Variants in ZFHX3 observed in about 807,000 individuals in gnomAD.
ZFHX3 encodes the protein zinc finger homeobox 3.
In ZFHX3, 42 loss-of-function variants were observed where a neutral mutation model predicts 279.1. That is an observed-to-expected ratio of 0.15 (90% CI 0.12 to 0.19). The LOEUF (loss-of-function observed/expected upper bound fraction) is 0.19, where lower values mean the gene tolerates loss of function less well. ZFHX3 is among the 10% of genes least tolerant of loss of function. The pLI is 1.00. For synonymous variants in ZFHX3, 2,293 were observed against 1,957.8 expected, an observed-to-expected ratio of 1.17 and a Z score of -4.52; for missense variants, 4,981 against 4,754.0, an observed-to-expected ratio of 1.05 and a Z score of -1.40.
chr16:73,733,345 C>A (rs1054740769), intron 1 of ZFHX3, among the ~76,000 whole-genome samples: 2 of 152,126 alleles, frequency 1.3e-5, no homozygotes, highest in Non-Finnish European at 2.9e-5. Context: ...TGCAGAGGTG[C>A]AAATGCATAT....
intron 2 of ZFHX3, among the ~76,000 whole-genome samples, chr16:73,589,361 G>T (rs1054089579): frequency 6.8e-6 from 1 of 147,506 alleles, no homozygotes; most frequent in Non-Finnish European, 1.5e-5. Flanking sequence ...ACTTGAGCCC[G>T]AGAGGTTAAG....
intron 8 of ZFHX3, among the ~76,000 whole-genome samples, chr16:73,088,644 C>A (rs564097625): frequency 2.0e-4 from 30 of 152,186 alleles, no homozygotes; most frequent in African/African-American, 6.3e-4. Context: ...CAGGTAGGTA[C>A]GGCAGGTCAC....
rs147304969 is a variant in ZFHX3, at chr16:73,550,009, T to G, written c.-1546-93751A>C. Among the ~76,000 whole-genome samples the G allele has an allele frequency of 1.3e-4, 20 of 152,234 alleles. 1 individual carries two copies. The East Asian group carries it at 3.9e-3, about 30-fold the overall frequency. ...AGATAAAACAATTTATCTTTATCAT[T>G]TTCAAGCTGTTCAGACGGGCGAGGG... On this transcript the variant is annotated intron_variant, in intron 2 of 17. Transcript: ENST00000641206.
chr16:73,059,352 C>G (rs1472588510), exon 1 of ZFHX3: 1 of 127,072 alleles, frequency 7.9e-6, no homozygotes, highest in Non-Finnish European at 1.6e-5. Context: ...CACACACACA[C>G]GACACACACA....
chr16:73,122,825 A>G (rs1966515881), intron 7 of ZFHX3, among the ~76,000 whole-genome samples: 1 of 152,104 alleles, frequency 6.6e-6, no homozygotes, highest in Non-Finnish European at 1.5e-5. Context: ...CTGCCAAGCA[A>G]ACAGTGGTGT....
intron 2 of ZFHX3, among the ~76,000 whole-genome samples, chr16:73,560,489 G>A (rs927589653): frequency 3.9e-5 from 6 of 152,194 alleles, no homozygotes; most frequent in South Asian, 2.1e-4. Context: ...GGGCCCTGTC[G>A]CTCTTCTCTT....
intron 8 of ZFHX3, among the ~76,000 whole-genome samples, chr16:73,070,219 C>G (rs1965805610): frequency 6.6e-6 from 1 of 152,278 alleles, no homozygotes; most frequent in East Asian, 1.9e-4. Flanking sequence ...AATGTATTCT[C>G]ATTGAATCTG....
intron 2 of ZFHX3, among the ~76,000 whole-genome samples, chr16:73,474,726 C>G (rs112525195): frequency 9.2e-5 from 14 of 152,218 alleles, no homozygotes; most frequent in African/African-American, 3.4e-4. Flanking sequence ...ACTATACACA[C>G]CCTGACTTTA....
chr16:73,783,418 C>G (rs1402335391), intron 1 of ZFHX3, among the ~76,000 whole-genome samples: 1 of 152,184 alleles, frequency 6.6e-6, no homozygotes, highest in Non-Finnish European at 1.5e-5. Flanking sequence ...ACACAAGTCT[C>G]CACCTCATGC....
rs186443432 is a variant in ZFHX3, at chr16:73,749,773, C to G, written c.-1607-69533G>C. 4.2e-4 allele frequency among the ~76,000 whole-genome samples: 64 copies of G among 152,308 alleles called. 1 individual carries two copies. Among genetic ancestry groups the G allele is most frequent in the Admixed American group, 2.2e-3 (33 of 15,306 alleles). ...GTGGATAAATGCAAAATGTGAGGAG[C>G]TGAAAGCATGAATACAAGGTTTGAT... On this transcript the variant is annotated intron_variant, in intron 1 of 17. Transcript: ENST00000641206.
At chr16:72,942,142 T>C (rs2144350373) in intron 3 of ZFHX3, among the ~76,000 whole-genome samples, 1 of 152,364 alleles carries the variant, frequency 6.6e-6, no homozygotes, top group Non-Finnish European at 1.5e-5. Context: ...CTGTTGGGAC[T>C]AGACGTATTC....
At chr16:73,147,464 G>A (rs550860359) in intron 5 of ZFHX3, among the ~76,000 whole-genome samples, 2 of 151,720 alleles carry the variant, frequency 1.3e-5, no homozygotes, top group Non-Finnish European at 2.9e-5. Flanking sequence ...AGGCCGAGGC[G>A]GGCGGATCAC....
At chr16:73,270,860 G>A (rs1345607612) in intron 4 of ZFHX3, among the ~76,000 whole-genome samples, 1 of 152,188 alleles carries the variant, frequency 6.6e-6, no homozygotes, top group Non-Finnish European at 1.5e-5. Context: ...AGTGTTCTAG[G>A]TATGGAGGGG....
chr16:72,918,775 A>G (rs2039508876), intron 3 of ZFHX3, among the ~76,000 whole-genome samples: 1 of 151,046 alleles, frequency 6.6e-6, no homozygotes, highest in Admixed American at 6.6e-5. Context: ...GGCTCACTGC[A>G]AGCTCTGCCT....
rs1961616349 is a variant in ZFHX3, at chr16:73,852,501, C to T, written c.-1608+39150G>A. On this transcript the variant is annotated intron_variant, in intron 1 of 17. Transcript: ENST00000641206. ...GGTAGGTTATATTTTCTATGTATGT[C>T]TTTGCAGGATGGTAAAGAAGATGTT... 2.0e-5 allele frequency among the ~76,000 whole-genome samples: 3 copies of T among 152,002 alleles called. No homozygotes were observed. The South Asian group carries it at 6.2e-4, about 31-fold the overall frequency.
chr16:73,756,189 A>G (rs374202876), intron 1 of ZFHX3, among the ~76,000 whole-genome samples: 5 of 152,326 alleles, frequency 3.3e-5, no homozygotes, highest in African/African-American at 1.2e-4. Flanking sequence ...AAGTCCAAAT[A>G]AAGGGCACTG....
At chr16:73,803,770 T>C (rs1325648695) in intron 1 of ZFHX3, among the ~76,000 whole-genome samples, 1 of 152,226 alleles carries the variant, frequency 6.6e-6, no homozygotes, top group Non-Finnish European at 1.5e-5. Context: ...CAGAGTAATA[T>C]GTGTAATGTC....
chr16:73,802,073 A>T (rs1055425718), intron 1 of ZFHX3, among the ~76,000 whole-genome samples: 1 of 152,216 alleles, frequency 6.6e-6, no homozygotes, highest in African/African-American at 2.4e-5. Context: ...TAACAAATGC[A>T]TCAGTGACCG....
chr16:73,125,799 T>C (rs557347874), intron 7 of ZFHX3, among the ~76,000 whole-genome samples: 1 of 152,064 alleles, frequency 6.6e-6, no homozygotes, highest in Non-Finnish European at 1.5e-5. Context: ...TATGTGTGTA[T>C]ATATGTATAT....
Sources: gnomAD v4.1 joint callset for allele counts (sites outside exome capture counted in the v4.1 genomes callset) on GRCh38, gnomAD v4.1.1 for gene constraint, MANE v1.5 for transcripts, NCBI Gene and HGNC (gene_info 2026-07-23, HGNC 2026-07-21) for gene names.